Variants in GRXCR2 observed in about 807,000 individuals in gnomAD.
GRXCR2 encodes glutaredoxin domain-containing cysteine-rich protein 2.
A neutral mutation model predicts 24.8 loss-of-function variants in GRXCR2; 23 were observed. The ratio of observed to expected loss-of-function variants is 0.93; its 90% confidence interval spans 0.67 to 1.32. The LOEUF is 1.32. Ranked by LOEUF, GRXCR2 falls within the 40% of genes most tolerant of loss-of-function variation. The pLI, the probability that GRXCR2 is intolerant of heterozygous loss-of-function variation, is 0.00. For synonymous variants in GRXCR2, 130 were observed against 116.1 expected, an observed-to-expected ratio of 1.12 and a Z score of -0.77; for missense variants, 315 against 303.4, an observed-to-expected ratio of 1.04 and a Z score of -0.28.
chr5:145,865,498 T>C (rs1756414329), intron 2 of GRXCR2, among the ~76,000 whole-genome samples: 1 of 152,098 alleles, frequency 6.6e-6, no homozygotes, highest in South Asian at 2.1e-4. Flanking sequence ...TTAAGCTTTA[T>C]TAACATTTTT....
At chr5:145,899,656 C>T (rs1375051214) in intron 2 of GRXCR2, among the ~76,000 whole-genome samples, 1 of 151,994 alleles carries the variant, frequency 6.6e-6, no homozygotes, top group Non-Finnish European at 1.5e-5. Flanking sequence ...AAATAAGCAA[C>T]ATGAAAAAGA....
At chr5:145,893,904 G>A (rs1449466398) in intron 2 of GRXCR2, among the ~76,000 whole-genome samples, 2 of 152,110 alleles carry the variant, frequency 1.3e-5, no homozygotes, top group African/African-American at 2.4e-5. Context: ...CTCAGCAAAT[G>A]TAAAAGAACA....
chr5:145,872,787 A>C lies in GRXCR2; in HGVS notation c.182T>G (p.Met61Arg), dbSNP rs76180713. 822 of 1,614,122 alleles carry C rather than the reference A, an allele frequency of 5.1e-4. 3 individuals carry two copies. The African/African-American group carries it at 0.01, about 20-fold the overall frequency. ...HSFLQESLETMDGVYGSGEVP... is the reference protein window; with the variant it reads ...HSFLQESLETRDGVYGSGEVP... ...TTCCCCAGACCCATAAACACCATCCATTGTTTCAAGAGACTCTTGCAGAAA... is the reference window on the plus strand; with the variant it reads ...TTCCCCAGACCCATAAACACCATCCCTTGTTTCAAGAGACTCTTGCAGAAA... Residue 61 changes from methionine (M) to arginine (R), a missense_variant, in exon 1 of 3, where the codon ATG becomes AGG. By Grantham distance (91) the Met-to-Arg change is moderately conservative. Coordinates refer to ENST00000377976, the MANE Select transcript of GRXCR2 (RefSeq NM_001080516.2).
intron 2 of GRXCR2, among the ~76,000 whole-genome samples, chr5:145,903,418 A>C (rs913904700): frequency 1.3e-5 from 2 of 152,222 alleles, no homozygotes; most frequent in African/African-American, 2.4e-5. Flanking sequence ...TCTGAAACTC[A>C]GTTGCTTCCC....
intron 1 of GRXCR2, among the ~76,000 whole-genome samples, chr5:145,870,046 A>G (rs1417602410): frequency 6.6e-6 from 1 of 152,082 alleles, no homozygotes; most frequent in Non-Finnish European, 1.5e-5. Flanking sequence ...TTTTTTAAAA[A>G]GATATATATA....
chr5:145,918,364 C>T lies in GRXCR2; in HGVS notation c.-70+17337G>A, dbSNP rs1757272317. Among the ~76,000 whole-genome samples the T allele has an allele frequency of 2.0e-5, 3 of 152,200 alleles. No homozygotes were observed. The South Asian group carries it at 6.2e-4, about 32-fold the overall frequency. On this transcript the variant is annotated intron_variant, in intron 2 of 3. Transcript: ENST00000639411. ...AAAATAGCTGGGAGGTGAACGGGGT[C>T]TGTTGACTCCAAGTCTACAGCTCAG...
chr5:145,908,584 G>T (rs1165695143), intron 2 of GRXCR2, among the ~76,000 whole-genome samples: 3 of 152,204 alleles, frequency 2.0e-5, no homozygotes, highest in African/African-American at 7.2e-5. Context: ...TGGACCTATT[G>T]TTTTGCAAAC....
chr5:145,879,326 T>A, intron 2 of GRXCR2, among the ~76,000 whole-genome samples: 1 of 131,262 alleles, frequency 7.6e-6, no homozygotes, highest in African/African-American at 2.9e-5. Context: ...ACACATAGGC[T>A]CAAAATAAAG....
intron 1 of GRXCR2, among the ~76,000 whole-genome samples, chr5:145,869,311 T>C (rs986624632): frequency 9.2e-5 from 14 of 152,230 alleles, no homozygotes; most frequent in African/African-American, 3.4e-4. Context: ...ATGTATAAAG[T>C]AGGTGTTCAG....
chr5:145,916,051 G>A (rs982402407), intron 2 of GRXCR2, among the ~76,000 whole-genome samples: 39 of 152,326 alleles, frequency 2.6e-4, no homozygotes, highest in Admixed American at 7.2e-4. Flanking sequence ...TGGGGAAGCA[G>A]ATGATGCTCT....
chr5:145,888,799 G>A (rs935836671), intron 2 of GRXCR2, among the ~76,000 whole-genome samples: 18 of 152,186 alleles, frequency 1.2e-4, no homozygotes, highest in Middle Eastern at 6.8e-3. Context: ...CATAAGTGAA[G>A]TTATACACTC....
chr5:145,880,924 A>G (rs1756690795), intron 2 of GRXCR2, among the ~76,000 whole-genome samples: 1 of 152,228 alleles, frequency 6.6e-6, no homozygotes, highest in African/African-American at 2.4e-5. Flanking sequence ...ACCAATGACA[A>G]AAGATACATG....
chr5:145,920,353 C>A (rs557124131), intron 2 of GRXCR2, among the ~76,000 whole-genome samples: 2 of 152,324 alleles, frequency 1.3e-5, no homozygotes, highest in African/African-American at 2.4e-5. Flanking sequence ...ATGGGCCCAG[C>A]AATCTGTGTC....
At chr5:145,900,200 G>A (rs540235449) in intron 2 of GRXCR2, among the ~76,000 whole-genome samples, 6 of 152,062 alleles carry the variant, frequency 3.9e-5, no homozygotes, top group Middle Eastern at 3.4e-3. Flanking sequence ...TCATGGGGGC[G>A]GATTTCCCTC....
intron 2 of GRXCR2, among the ~76,000 whole-genome samples, chr5:145,885,805 G>C (rs558304255): frequency 5.3e-5 from 8 of 152,226 alleles, no homozygotes; most frequent in Non-Finnish European, 1.0e-4. Context: ...GTTCTGAAAG[G>C]CTTCCCTCTT....
intron 2 of GRXCR2, among the ~76,000 whole-genome samples, chr5:145,929,264 G>A (rs1358798824): frequency 7.2e-6 from 1 of 139,166 alleles, no homozygotes. Context: ...TGGACATCAG[G>A]CTGTTTAACT....
rs574429848 is a variant in GRXCR2 at position 145,913,715 on chromosome 5, G to A, written c.-70+21986C>T. ...AATTTTTTAAATAAATAGAGACACCGTTTCATCATGTCGCCCAGGCTGGTT... is the reference window on the plus strand; with the variant it reads ...AATTTTTTAAATAAATAGAGACACCATTTCATCATGTCGCCCAGGCTGGTT... On this transcript the variant is annotated intron_variant, in intron 2 of 3. Coordinates refer to the GRXCR2 transcript ENST00000639411. Among the ~76,000 whole-genome samples, 47 of 152,098 alleles carry A rather than the reference G, an allele frequency of 3.1e-4. No individual in the cohort carries two copies. In the East Asian group the frequency reaches 6.8e-3, roughly 22 times the overall value.
At chr5:145,880,341 C>T (rs993841013) in intron 2 of GRXCR2, among the ~76,000 whole-genome samples, 1 of 151,948 alleles carries the variant, frequency 6.6e-6, no homozygotes, top group African/African-American at 2.4e-5. Flanking sequence ...CAAATAGATG[C>T]AATAAAAAAT....
At chr5:145,889,178 AAG>A (rs1252127539) in intron 2 of GRXCR2, among the ~76,000 whole-genome samples, 1,749 of 105,084 alleles carry the variant, frequency 0.017, 34 homozygotes, top group Non-Finnish European at 0.023. Flanking sequence ...CAAAAAAAGA[AAG>A]AAAGAAAGAA....
Sources: gnomAD v4.1 joint callset for allele counts (sites outside exome capture counted in the v4.1 genomes callset) on GRCh38, gnomAD v4.1.1 for gene constraint, MANE v1.5 for transcripts, NCBI Gene and HGNC (gene_info 2026-07-23, HGNC 2026-07-21) for gene names.